Variants in MKX observed in about 807,000 individuals in gnomAD.
MKX encodes the protein mohawk homeobox.
A neutral mutation model predicts 36.0 loss-of-function variants in MKX; 13 were observed. The ratio of observed to expected loss-of-function variants is 0.36; its 90% confidence interval spans 0.24 to 0.57. MKX has a LOEUF of 0.57. Ranked by LOEUF, MKX falls within the 20% of genes least tolerant of loss-of-function variation. The probability of loss-of-function intolerance (pLI) is 0.79; values close to 1 mark genes in which losing one functional copy is unlikely to be tolerated. For synonymous variants in MKX, 176 were observed against 178.3 expected, an observed-to-expected ratio of 0.99 and a Z score of 0.10; for missense variants, 458 against 456.4, an observed-to-expected ratio of 1.00 and a Z score of -0.03.
chr10:27,681,381 G>A (rs568904364), intron 5 of MKX, among the ~76,000 whole-genome samples: 10 of 152,178 alleles, frequency 6.6e-5, no homozygotes, highest in East Asian at 5.8e-4. Flanking sequence ...CCCCGCAGGC[G>A]GAGGTTGCAG....
At chr10:27,709,599 T>C (rs537540657) in intron 5 of MKX, among the ~76,000 whole-genome samples, 1 of 152,296 alleles carries the variant, frequency 6.6e-6, no homozygotes, top group Admixed American at 6.5e-5. Flanking sequence ...CATGTGTGAG[T>C]GGCCATGAAG....
chr10:27,722,599 T>C (rs1834403823), intron 5 of MKX, among the ~76,000 whole-genome samples: 1 of 152,192 alleles, frequency 6.6e-6, no homozygotes, highest in South Asian at 2.1e-4. Context: ...AAGGCATTGC[T>C]CTCTGCTCTG....
intron 5 of MKX, among the ~76,000 whole-genome samples, chr10:27,692,022 AT>A (rs1479657158): frequency 6.6e-6 from 1 of 152,186 alleles, no homozygotes; most frequent in Admixed American, 6.5e-5. Flanking sequence ...ATACAAATGC[AT>A]GTGTCTTTTT....
At chr10:27,712,202 G>A (rs1836885793) in intron 5 of MKX, among the ~76,000 whole-genome samples, 1 of 152,190 alleles carries the variant, frequency 6.6e-6, no homozygotes, top group Non-Finnish European at 1.5e-5. Context: ...GATCCAAGAA[G>A]CCCAGACATT....
At chr10:27,706,688 T>C (rs1836762528) in intron 5 of MKX, among the ~76,000 whole-genome samples, 1 of 152,160 alleles carries the variant, frequency 6.6e-6, no homozygotes, top group Admixed American at 6.6e-5. Context: ...GCTTATTAAC[T>C]ATTTGTATAT....
intron 5 of MKX, among the ~76,000 whole-genome samples, chr10:27,690,337 T>G (rs1175599312): frequency 6.6e-6 from 1 of 151,680 alleles, no homozygotes; most frequent in Admixed American, 6.6e-5. Context: ...ACCACTGCAC[T>G]CCAGCCTGGG....
At chr10:27,702,408 A>G (rs903619138) in intron 5 of MKX, among the ~76,000 whole-genome samples, 5 of 152,198 alleles carry the variant, frequency 3.3e-5, no homozygotes, top group African/African-American at 1.2e-4. Context: ...AAAACCCTTG[A>G]AGGAGTGAAG....
chr10:27,675,636 G>T, intron 5 of MKX, 82 bp from the exon 6 acceptor site: 1 of 1,325,300 alleles, frequency 7.5e-7, no homozygotes, highest in Non-Finnish European at 1.1e-6. Flanking sequence ...CTAATGACCA[G>T]AAGTAAAAGT....
intron 5 of MKX, among the ~76,000 whole-genome samples, chr10:27,700,421 C>T (rs1483708674): frequency 6.6e-6 from 1 of 152,212 alleles, no homozygotes; most frequent in African/African-American, 2.4e-5. Flanking sequence ...CCAGAGACTA[C>T]ATCTTGGAGT....
intron 3 of MKX, among the ~76,000 whole-genome samples, chr10:27,739,375 G>C (rs1052225470): frequency 6.6e-6 from 1 of 151,858 alleles, no homozygotes; most frequent in African/African-American, 2.4e-5. Context: ...TTATACAGTT[G>C]TCATTTATTA....
At chr10:27,677,616 C>T (rs112328384) in intron 5 of MKX, among the ~76,000 whole-genome samples, 3 of 152,236 alleles carry the variant, frequency 2.0e-5, no homozygotes, top group African/African-American at 7.2e-5. Context: ...GTGTAGACCA[C>T]GAGACAATCA....
intron 5 of MKX, among the ~76,000 whole-genome samples, chr10:27,717,882 T>G (rs2637294): frequency 6.6e-6 from 1 of 152,154 alleles, no homozygotes; most frequent in African/African-American, 2.4e-5. Context: ...AACACAATGA[T>G]GATAAGTGCC....
At chr10:27,696,710 A>G (rs1489453663) in intron 5 of MKX, among the ~76,000 whole-genome samples, 1 of 152,060 alleles carries the variant, frequency 6.6e-6, no homozygotes, top group Admixed American at 6.5e-5. Context: ...TTATGTCAGC[A>G]GCTAGTCTTC....
intron 5 of MKX, among the ~76,000 whole-genome samples, chr10:27,711,461 TTC>T (rs1238641795): frequency 0.02 from 195 of 9,596 alleles, 3 homozygotes; most frequent in African/African-American, 0.053. Context: ...CTTTCTTTCT[TTC>T]TTTCTTTCTT....
intron 3 of MKX, among the ~76,000 whole-genome samples, chr10:27,735,621 TAAGAG>T (rs1478404700): frequency 6.6e-6 from 1 of 152,046 alleles, no homozygotes. Flanking sequence ...AAAAATTTAA[TAAGAG>T]AAAAGTCCAG....
At chr10:27,714,658 A>G (rs2132601987) in intron 5 of MKX, among the ~76,000 whole-genome samples, 1 of 152,342 alleles carries the variant, frequency 6.6e-6, no homozygotes, top group South Asian at 2.1e-4. Context: ...AACCAAAGGA[A>G]GCTGATATTT....
chr10:27,735,526 CATTT>C (rs1417505332), intron 3 of MKX, 152 bp from the exon 4 acceptor site: 1 of 593,618 alleles, frequency 1.7e-6, no homozygotes, highest in East Asian at 3.1e-5. Flanking sequence ...TCCATTCATT[CATTT>C]GACAAACATG....
intron 5 of MKX, among the ~76,000 whole-genome samples, chr10:27,701,446 G>A (rs1247922679): frequency 2.1e-5 from 3 of 143,982 alleles, no homozygotes; most frequent in Non-Finnish European, 3.0e-5. Context: ...AAATACATAA[G>A]TATATAAAAG....
rs1355619596 is a variant in MKX at position 27,742,558 on chromosome 10, G to C, written c.188+670C>G. 6.6e-6 allele frequency among the ~76,000 whole-genome samples: 1 copy of C among 151,990 alleles called. No individual in the cohort carries two copies. Among genetic ancestry groups the C allele is most frequent in the Non-Finnish European group, 1.5e-5 (1 of 67,942 alleles). ...CCCGGGGAGCCGCCGGATCGGGCCAGGCAGAGCCTGCCCTCCACTCACCGG... is the reference window on the plus strand; with the variant it reads ...CCCGGGGAGCCGCCGGATCGGGCCACGCAGAGCCTGCCCTCCACTCACCGG... On this transcript the variant is annotated intron_variant, in intron 2 of 6. Coordinates refer to ENST00000419761, the MANE Select transcript of MKX (RefSeq NM_173576.3). This position sits in a 1 kb window ranked among gnomAD's most constrained non-coding sequence, Gnocchi z 4.2.
Sources: gnomAD v4.1 joint callset for allele counts (sites outside exome capture counted in the v4.1 genomes callset) on GRCh38, gnomAD v4.1.1 for gene constraint, Gnocchi (gnomAD v3.1) non-coding constraint, MANE v1.5 for transcripts, NCBI Gene and HGNC (gene_info 2026-07-23, HGNC 2026-07-21) for gene names.